Variants in APP observed in about 807,000 individuals in gnomAD.
APP encodes the protein amyloid beta precursor protein.
In APP, 31 loss-of-function variants were observed where a neutral mutation model predicts 101.4. The ratio of observed to expected loss-of-function variants is 0.31; its 90% confidence interval spans 0.23 to 0.41. The LOEUF is 0.41. Ranked by LOEUF, APP falls within the 10% of genes least tolerant of loss-of-function variation. The pLI, the probability that APP is intolerant of heterozygous loss-of-function variation, is 1.00. For missense variants in APP, 839 were observed against 1,003.7 expected, an observed-to-expected ratio of 0.84 and a Z score of 2.22; for synonymous variants, 366 against 364.4, an observed-to-expected ratio of 1.00 and a Z score of -0.05.
intron 12 of APP, 110 bp downstream of exon 12, chr21:25,955,516 AG>A: frequency 6.7e-7 from 1 of 1,499,940 alleles, no homozygotes; most frequent in Non-Finnish European, 9.2e-7. Context: ...CTCTTGCCAT[AG>A]GGAAAACACC....
intron 3 of APP, among the ~76,000 whole-genome samples, chr21:26,067,307 T>C (rs1162707249): frequency 6.6e-6 from 1 of 152,252 alleles, no homozygotes; most frequent in Non-Finnish European, 1.5e-5. Context: ...GGTGGGTTTT[T>C]TATACTCACA....
intron 1 of APP, among the ~76,000 whole-genome samples, chr21:26,153,847 T>C (rs539899458): frequency 1.3e-4 from 20 of 152,348 alleles, no homozygotes; most frequent in South Asian, 4.1e-4. Context: ...ACCTAAGTTA[T>C]ATGACTAAGC....
In APP at chr21:26,040,516, C is replaced by T. The variant is rs531655779; in HGVS notation, c.662+10484G>A. On this transcript the variant is annotated intron_variant, in intron 5 of 17. Coordinates refer to ENST00000346798, the MANE Select transcript of APP (RefSeq NM_000484.4). ...ACTCGGGAGGCTAAGGCAGGAGAAT[C>T]GCTTGAACCTGGGAGGCAGAGGTTG... is the stretch of plus-strand genomic sequence containing the variant. 1.1e-4 allele frequency among the ~76,000 whole-genome samples: 17 copies of T among 151,750 alleles called. No individual in the cohort carries two copies. In the East Asian group the frequency reaches 3.3e-3, roughly 29 times the overall value.
At chr21:26,158,776 C>T (rs2146368349) in intron 1 of APP, among the ~76,000 whole-genome samples, 1 of 152,286 alleles carries the variant, frequency 6.6e-6, no homozygotes, top group Admixed American at 6.5e-5. Flanking sequence ...GGGAAGCCCT[C>T]CCCACCCCAG....
At chr21:25,883,557 G>A (rs2037132025) in intron 17 of APP, among the ~76,000 whole-genome samples, 1 of 152,116 alleles carries the variant, frequency 6.6e-6, no homozygotes, top group Non-Finnish European at 1.5e-5. Context: ...GCCAGGCACA[G>A]TAGCACGTGC....
At chr21:26,148,235 G>C (rs866696607) in intron 1 of APP, among the ~76,000 whole-genome samples, 6 of 152,184 alleles carry the variant, frequency 3.9e-5, no homozygotes, top group Admixed American at 6.5e-5. Flanking sequence ...GAGGTTGGCA[G>C]AGATTTTTCA....
intron 13 of APP, among the ~76,000 whole-genome samples, chr21:25,913,746 C>T (rs1051424801): frequency 2.4e-4 from 37 of 152,194 alleles, no homozygotes; most frequent in African/African-American, 8.9e-4. Flanking sequence ...TTCGCATACA[C>T]AGTACTTATC....
At chr21:26,062,566 G>A (rs1170913582) in intron 3 of APP, among the ~76,000 whole-genome samples, 1 of 150,814 alleles carries the variant, frequency 6.6e-6, no homozygotes. Flanking sequence ...GGAGGCTGGG[G>A]CAGGAGAATC....
At chr21:26,166,950 G>GTGTC (rs997387840) in intron 1 of APP, among the ~76,000 whole-genome samples, 27 of 150,042 alleles carry the variant, frequency 1.8e-4, no homozygotes, top group Admixed American at 4.0e-4. Context: ...GTGTGTGTGT[G>GTGTC]TGTCTGTCTG....
chr21:26,017,190 C>A (rs1294723986), intron 6 of APP, among the ~76,000 whole-genome samples: 1 of 45,424 alleles, frequency 2.2e-5, no homozygotes. Context: ...CAGAGCGAGA[C>A]TGTATCTCAA....
chr21:26,054,632 T>G (rs1390516256), intron 3 of APP, among the ~76,000 whole-genome samples: 3 of 143,588 alleles, frequency 2.1e-5, no homozygotes, highest in South Asian at 2.3e-4. Flanking sequence ...TTTTTTTTTT[T>G]TTTTTTTTTT....
chr21:25,900,016 C>CT (rs1219409849), intron 15 of APP, among the ~76,000 whole-genome samples: 2 of 152,070 alleles, frequency 1.3e-5, no homozygotes. Context: ...GTTCTCTATT[C>CT]TTATTTATTT....
At chr21:25,953,932 T>C (rs1601011863) in intron 13 of APP, among the ~76,000 whole-genome samples, 1 of 152,348 alleles carries the variant, frequency 6.6e-6, no homozygotes, top group East Asian at 1.9e-4. Context: ...GAGACCTCTC[T>C]GTACTATTTT....
intron 1 of APP, among the ~76,000 whole-genome samples, chr21:26,148,583 T>C (rs748784264): frequency 6.6e-6 from 1 of 152,220 alleles, no homozygotes; most frequent in African/African-American, 2.4e-5. Flanking sequence ...CAATGAAATG[T>C]TGAGATGCTA....
At chr21:25,974,728 A>G (rs1601083941) in intron 11 of APP, among the ~76,000 whole-genome samples, 1 of 152,254 alleles carries the variant, frequency 6.6e-6, no homozygotes, top group East Asian at 1.9e-4. Context: ...GGACTGGAAG[A>G]CATCCTTCCA....
intron 2 of APP, among the ~76,000 whole-genome samples, chr21:26,095,806 AAT>A (rs1483387882): frequency 2.6e-5 from 4 of 152,236 alleles, no homozygotes. Flanking sequence ...ATGTATTGCT[AAT>A]ATGACAAGCA....
In APP at chr21:26,051,168, A is replaced by AAGTTGG. The variant is rs1366972383; in HGVS notation, c.488_493dup (p.Asn164_Leu165insSerAsn). The AAGTTGG allele has an allele frequency of 1.2e-6, 2 of 1,613,960 alleles. No individual in the cohort carries two copies. The highest frequency in any genetic ancestry group is 2.7e-5 in the African/African-American group (2 of 74,938). Reference sequence around the variant, plus strand: ...GGGCAGCAACATGCCGTAGTCATGCAAGTTGGTACTCTTCTCACTGCATGT... The same window carrying AAGTTGG: ...GGGCAGCAACATGCCGTAGTCATGCAAGTTGGAGTTGGTACTCTTCTCACTGCATGT... On this transcript the variant is annotated inframe_insertion, in exon 5 of 18. Coordinates refer to ENST00000346798, the MANE Select transcript of APP (RefSeq NM_000484.4).
chr21:26,132,051 A>AAAC (rs1214919926), intron 1 of APP, among the ~76,000 whole-genome samples: 1 of 152,144 alleles, frequency 6.6e-6, no homozygotes, highest in African/African-American at 2.4e-5. Flanking sequence ...TTAATTTTGT[A>AAAC]AACAGAGTCA....
chr21:26,015,039 T>C (rs1044849566), intron 6 of APP, among the ~76,000 whole-genome samples: 2 of 152,220 alleles, frequency 1.3e-5, no homozygotes, highest in African/African-American at 4.8e-5. Flanking sequence ...TATTTCAATA[T>C]ACAGTGTATA....
Sources: gnomAD v4.1 joint callset for allele counts (sites outside exome capture counted in the v4.1 genomes callset) on GRCh38, gnomAD v4.1.1 for gene constraint, MANE v1.5 for transcripts, NCBI Gene and HGNC (gene_info 2026-07-23, HGNC 2026-07-21) for gene names.